Variants in RNF11 observed in about 807,000 individuals in gnomAD.
RNF11 encodes ring finger protein 11.
A neutral mutation model predicts 15.8 loss-of-function variants in RNF11; 4 were observed. The observed-to-expected ratio is 0.25, with a 90% CI of 0.12 to 0.58. RNF11 has a LOEUF of 0.58. RNF11 is among the 20% of genes least tolerant of loss of function. The pLI, the probability that RNF11 is intolerant of heterozygous loss-of-function variation, is 0.91. For missense variants in RNF11, 139 were observed against 194.4 expected (o/e 0.71, Z 1.70); for synonymous variants, 68 against 72.3 (o/e 0.94, Z 0.30).
chr1:51,261,483 T>A (rs1281643621), intron 1 of RNF11, among the ~76,000 whole-genome samples: 1 of 152,208 alleles, frequency 6.6e-6, no homozygotes, highest in Admixed American at 6.5e-5. Context: ...GTAATTCAGT[T>A]GAATTTTGCT....
rs1646985288 is a variant in RNF11, at chr1:51,272,706, G to A, written c.*1384G>A. On this transcript the variant is annotated 3_prime_UTR_variant, in exon 3 of 3. Coordinates refer to ENST00000242719, the MANE Select transcript of RNF11 (RefSeq NM_014372.5). ...AAAGGTGACTTATTGGTTCACCTCA[G>A]TGATATTACAGCTAAAAAAATCATT... 6.6e-6 allele frequency: 1 copy of A among 152,100 alleles called. No homozygotes were observed. Among genetic ancestry groups the A allele is most frequent in the African/African-American group, 2.4e-5 (1 of 41,446 alleles). 9.4% of individuals were successfully genotyped at this position (152,100 alleles called of 1,614,324 possible). A position where few individuals can be genotyped will look rare whatever the true frequency, so the allele number is the denominator to read the frequency against.
At chr1:51,246,340 C>T (rs1646851508) in intron 1 of RNF11, among the ~76,000 whole-genome samples, 1 of 152,060 alleles carries the variant, frequency 6.6e-6, no homozygotes, top group South Asian at 2.1e-4. Flanking sequence ...TTTGGAAGGC[C>T]AAGTGGGAAG....
chr1:51,253,290 C>G (rs1157934886), intron 1 of RNF11, among the ~76,000 whole-genome samples: 1 of 151,842 alleles, frequency 6.6e-6, no homozygotes, highest in African/African-American at 2.4e-5. Context: ...TTTGGGATGC[C>G]AAGGTGAGAG....
At chr1:51,258,313 A>G (rs1376990672) in intron 1 of RNF11, among the ~76,000 whole-genome samples, 1 of 152,212 alleles carries the variant, frequency 6.6e-6, no homozygotes, top group African/African-American at 2.4e-5. Context: ...GATCCTCTTC[A>G]TTTTAAAGAT....
chr1:51,262,806 G>A, intron 1 of RNF11, among the ~76,000 whole-genome samples: 1 of 147,378 alleles, frequency 6.8e-6, no homozygotes, highest in Non-Finnish European at 1.5e-5. Context: ...GACCTCAGGT[G>A]ATCTGCCTGC....
chr1:51,259,333 T>C (rs1158863343), intron 1 of RNF11, among the ~76,000 whole-genome samples: 1 of 152,216 alleles, frequency 6.6e-6, no homozygotes, highest in Admixed American at 6.5e-5. Context: ...TAACCTCAGT[T>C]AGGTCCTTAA....
intron 1 of RNF11, among the ~76,000 whole-genome samples, chr1:51,257,109 T>A (rs1646907148): frequency 6.6e-6 from 1 of 152,202 alleles, no homozygotes; most frequent in African/African-American, 2.4e-5. Context: ...TTGTTTTAAT[T>A]TGCAGTTCTC....
intron 1 of RNF11, among the ~76,000 whole-genome samples, chr1:51,248,096 C>CTTTTTTTTTTT (rs1157196813): frequency 2.4e-4 from 22 of 91,660 alleles, no homozygotes; most frequent in Middle Eastern, 7.0e-3. Flanking sequence ...CTAGTTTCTT[C>CTTTTTTTTTTT]TTTTTTTTTT....
intron 1 of RNF11, chr1:51,251,329 G>A (rs1344345403): frequency 4.6e-6 from 7 of 1,515,266 alleles, no homozygotes; most frequent in African/African-American, 2.7e-5. Context: ...TTGCCTCCGC[G>A]AGCTCCGCGG....
At chr1:51,263,416 C>T (rs1646939793) in intron 1 of RNF11, among the ~76,000 whole-genome samples, 4 of 152,302 alleles carry the variant, frequency 2.6e-5, no homozygotes, top group Middle Eastern at 3.4e-3. Context: ...TGATTCCATA[C>T]ACAGGCATAC....
intron 1 of RNF11, among the ~76,000 whole-genome samples, chr1:51,245,303 C>T (rs1318347051): frequency 6.6e-6 from 1 of 152,176 alleles, no homozygotes; most frequent in Non-Finnish European, 1.5e-5. Context: ...CAGGTGCATA[C>T]CACCACACCC....
At chr1:51,244,148 A>G (rs1646841862) in intron 1 of RNF11, among the ~76,000 whole-genome samples, 1 of 152,204 alleles carries the variant, frequency 6.6e-6, no homozygotes, top group Non-Finnish European at 1.5e-5. Context: ...TTTAGAATTC[A>G]AGTCTGGTTC....
At chr1:51,262,288 AG>A (rs1387139110) in intron 1 of RNF11, among the ~76,000 whole-genome samples, 3 of 152,224 alleles carry the variant, frequency 2.0e-5, no homozygotes, top group African/African-American at 4.8e-5. Flanking sequence ...AGTTAAGTGA[AG>A]TTGGGCCCCT....
At chr1:51,249,586 G>A (rs750301963) in intron 1 of RNF11, among the ~76,000 whole-genome samples, 1 of 152,112 alleles carries the variant, frequency 6.6e-6, no homozygotes, top group Non-Finnish European at 1.5e-5. Flanking sequence ...ATTTCAAACT[G>A]AATAACATTC....
At chr1:51,270,802 A>ATC (rs1277420398) in intron 2 of RNF11, among the ~76,000 whole-genome samples, 1 of 152,236 alleles carries the variant, frequency 6.6e-6, no homozygotes, top group African/African-American at 2.4e-5. Flanking sequence ...AACAAAGTTG[A>ATC]TCTAACTGAT....
chr1:51,267,797 C>T (rs1557683095), intron 1 of RNF11, among the ~76,000 whole-genome samples: 1 of 152,210 alleles, frequency 6.6e-6, no homozygotes. Flanking sequence ...GTGGCAAGAT[C>T]TTGGCTCACT....
At chr1:51,270,559 A>G (rs1646974202) in intron 2 of RNF11, among the ~76,000 whole-genome samples, 1 of 152,228 alleles carries the variant, frequency 6.6e-6, no homozygotes, top group Non-Finnish European at 1.5e-5. Context: ...AGTAAAATAA[A>G]GTAAAATAAG....
intron 1 of RNF11, among the ~76,000 whole-genome samples, chr1:51,239,100 A>G (rs1182530916): frequency 6.6e-6 from 1 of 152,034 alleles, no homozygotes; most frequent in African/African-American, 2.4e-5. Flanking sequence ...AAATAGAGAC[A>G]GGGACTCCTA....
chr1:51,236,600 G>T lies in RNF11; in HGVS notation c.-157G>T. 1 of 854,496 alleles carries T rather than the reference G, an allele frequency of 1.2e-6. No individual in the cohort carries two copies. Among genetic ancestry groups the T allele is most frequent in the Non-Finnish European group, 1.7e-6 (1 of 578,508 alleles). The allele number at this position is 854,496 out of a possible 1,614,324, so 52.9% of individuals were successfully genotyped here. A position where few individuals can be genotyped will look rare whatever the true frequency, so the allele number is the denominator to read the frequency against. On this transcript the variant is annotated 5_prime_UTR_variant, in exon 1 of 3. Transcript: ENST00000242719. ...CCCAACCCCGGGGGCTGGCATGAGC[G>T]GCCCCTCGGCGGCACCGTGGGGCGG...
Sources: gnomAD v4.1 joint callset for allele counts (sites outside exome capture counted in the v4.1 genomes callset) on GRCh38, gnomAD v4.1.1 for gene constraint, MANE v1.5 for transcripts, NCBI Gene and HGNC (gene_info 2026-07-23, HGNC 2026-07-21) for gene names.